MEIS2: variants seen among roughly 807,000 people sequenced by gnomAD.
The protein encoded by MEIS2 is Meis homeobox 2, also known as homeobox protein Meis2.
MEIS2 carries 9 observed loss-of-function variants against 58.6 expected under a neutral mutation model. The ratio of observed to expected loss-of-function variants is 0.15; its 90% CI spans 0.09 to 0.27. The LOEUF is 0.27. Ranked by LOEUF, MEIS2 falls within the 10% of genes least tolerant of loss-of-function variation. The pLI is 1.00. For missense variants in MEIS2, 427 were observed against 635.0 expected (o/e 0.67, Z 3.52); for synonymous variants, 221 against 228.4 (o/e 0.97, Z 0.29).
chr15:37,098,421 A>AGAGAGAGG (rs1555474176), intron 1 of MEIS2: 54 of 1,200,768 alleles, frequency 4.5e-5, no homozygotes, highest in Admixed American at 1.6e-4. Flanking sequence ...AGAGAGAGAG[A>AGAGAGAGG]GAGAAAATAA....
At chr15:36,896,457 A>G (rs1425733414) in intron 10 of MEIS2, among the ~76,000 whole-genome samples, 171 bp downstream of exon 10, 1 of 152,182 alleles carries the variant, frequency 6.6e-6, no homozygotes. Flanking sequence ...ATCTCCAATT[A>G]GCACCACTTA....
chr15:37,044,677 C>T (rs1003980929), intron 7 of MEIS2, among the ~76,000 whole-genome samples: 1 of 152,122 alleles, frequency 6.6e-6, no homozygotes, highest in African/African-American at 2.4e-5. Flanking sequence ...AAGGAATCTC[C>T]TTCATAAAGC....
At chr15:37,091,571 C>T (rs889958489) in intron 6 of MEIS2, among the ~76,000 whole-genome samples, 1 of 152,224 alleles carries the variant, frequency 6.6e-6, no homozygotes, top group African/African-American at 2.4e-5. Context: ...ACTCTTTTAT[C>T]CAAAGATGAT....
Position 36,895,864 on chromosome 15 carries a change from C to T in MEIS2, c.1037-603G>A, listed in dbSNP as rs559021341. Among the ~76,000 whole-genome samples the T allele has an allele frequency of 9.9e-5, 15 of 152,242 alleles. No individual in the cohort carries two copies. The South Asian group carries it at 1.0e-3, about 11-fold the overall frequency. ...ACTAATTTTCACAAATCCTTTAAAG[C>T]GAGGCCACAGGTAAAATCTCCATCA... On this transcript the variant is annotated intron_variant, in intron 10 of 11. Coordinates refer to ENST00000561208, the MANE Select transcript of MEIS2 (RefSeq NM_170675.5).
At chr15:36,911,004 C>G (rs1171783867) in intron 9 of MEIS2, among the ~76,000 whole-genome samples, 1 of 143,804 alleles carries the variant, frequency 7.0e-6, no homozygotes, top group Admixed American at 7.1e-5. Flanking sequence ...GAGATCGCGC[C>G]ACTGCACTCC....
At chr15:36,966,388 C>G (rs991781052) in intron 8 of MEIS2, among the ~76,000 whole-genome samples, 4 of 152,114 alleles carry the variant, frequency 2.6e-5, no homozygotes, top group Non-Finnish European at 4.4e-5. Context: ...TTTACAGTAA[C>G]TTTTAATTAC....
chr15:37,098,377 GGGGAGAGAGAGAGAGA>G, intron 1 of MEIS2, 178 bp from the exon 2 acceptor site: 1 of 490,594 alleles, frequency 2.0e-6, no homozygotes, highest in African/African-American at 3.3e-5. Context: ...AGGAGGAGAG[GGGGAGAGAGAGAGAGA>G]GAGAGAGAGA....
Position 36,892,308 on chromosome 15 carries a change from G to A in MEIS2, c.1299C>T (p.Pro433=), listed in dbSNP as rs971258285. Residue 433 remains proline (P), a synonymous_variant, in exon 12 of 12, where the codon CCC becomes CCT. Coordinates refer to ENST00000561208, the MANE Select transcript of MEIS2 (RefSeq NM_170675.5). ...CGTGCATCATCATGGCTGGGTGGTG[G>A]GGATGGCTTGGCAAATATGAATGCA... ...PPMHSYLPSH[P]HHPAMMMHGG... 6 of 1,613,852 alleles carry A rather than the reference G, an allele frequency of 3.7e-6. No homozygotes were observed. Among genetic ancestry groups the A allele is most frequent in the Non-Finnish European group, 5.1e-6 (6 of 1,179,922 alleles).
At chr15:36,904,561 T>A (rs1487061736) in intron 9 of MEIS2, among the ~76,000 whole-genome samples, 2 of 152,158 alleles carry the variant, frequency 1.3e-5, no homozygotes, top group Non-Finnish European at 2.9e-5. Context: ...CAACCTATGA[T>A]GACCACATTT....
At chr15:36,915,639 C>G (rs969446711) in intron 9 of MEIS2, among the ~76,000 whole-genome samples, 1 of 152,136 alleles carries the variant, frequency 6.6e-6, no homozygotes, top group African/African-American at 2.4e-5. Flanking sequence ...AGTGCCCAAC[C>G]CACTCCTCCT....
Position 37,084,604 on chromosome 15 carries a change from T to C in MEIS2, c.640-719A>G, listed in dbSNP as rs531662862. ...AGAGAGGAGTTTCACTTGAGCTTCATGGAAGCTTGAAATTCACTGAGCAGT... is the reference window on the plus strand; with the variant it reads ...AGAGAGGAGTTTCACTTGAGCTTCACGGAAGCTTGAAATTCACTGAGCAGT... On this transcript the variant is annotated intron_variant, in intron 6 of 11. Coordinates refer to ENST00000561208, the MANE Select transcript of MEIS2 (RefSeq NM_170675.5). Among the ~76,000 whole-genome samples, 9 of 152,296 alleles carry C rather than the reference T, an allele frequency of 5.9e-5. No homozygotes were observed. In the East Asian group the frequency reaches 1.4e-3, roughly 23 times the overall value.
Position 37,010,379 on chromosome 15 carries a change from G to A in MEIS2, c.900+26435C>T, listed in dbSNP as rs541750747. On this transcript the variant is annotated intron_variant, in intron 8 of 11. Coordinates refer to ENST00000561208, the MANE Select transcript of MEIS2 (RefSeq NM_170675.5). ...TGAGATTACAGGCATGAGCCACCAC[G>A]CCCGGCCTATTTCTTTGTTTTCAGA... Among the ~76,000 whole-genome samples, 9 of 150,936 alleles carry A rather than the reference G, an allele frequency of 6.0e-5. No individual in the cohort carries two copies. In the East Asian group the frequency reaches 1.4e-3, roughly 23 times the overall value.
rs1436032148 is a variant in MEIS2 at position 36,891,928 on chromosome 15, T to G, written c.*245A>C. 1.8e-6 allele frequency: 1 copy of G among 559,188 alleles called. No individual in the cohort carries two copies. Among genetic ancestry groups the G allele is most frequent in the African/African-American group, 1.9e-5 (1 of 52,184 alleles). 34.6% of individuals were successfully genotyped at this position (559,188 alleles called of 1,614,324 possible). On this transcript the variant is annotated 3_prime_UTR_variant, in exon 12 of 12. Coordinates refer to ENST00000561208, the MANE Select transcript of MEIS2 (RefSeq NM_170675.5). ...CTTAGTTCCTATATTTATACTACAGTAGTTATAACTCTCGGAGTCTTTTTC... is the reference window on the plus strand; with the variant it reads ...CTTAGTTCCTATATTTATACTACAGGAGTTATAACTCTCGGAGTCTTTTTC...
intron 9 of MEIS2, among the ~76,000 whole-genome samples, chr15:36,947,748 T>C (rs1253271433): frequency 6.6e-6 from 1 of 151,934 alleles, no homozygotes; most frequent in Non-Finnish European, 1.5e-5. Context: ...TCTGATCCCC[T>C]CTGCTTTTTG....
intron 1 of MEIS2, 178 bp from the exon 2 acceptor site, chr15:37,098,377 G>T: frequency 6.1e-6 from 3 of 490,590 alleles, no homozygotes; most frequent in Non-Finnish European, 7.8e-6. Context: ...AGGAGGAGAG[G>T]GGGAGAGAGA....
intron 9 of MEIS2, among the ~76,000 whole-genome samples, chr15:36,902,365 A>G (rs1052197648): frequency 2.0e-5 from 3 of 152,170 alleles, no homozygotes; most frequent in Non-Finnish European, 4.4e-5. Context: ...CAAATGTACA[A>G]TGCTATGGTG....
chr15:37,047,156 C>A (rs569419000), intron 7 of MEIS2, among the ~76,000 whole-genome samples: 1 of 152,278 alleles, frequency 6.6e-6, no homozygotes, highest in African/African-American at 2.4e-5. Context: ...TCTAATGATT[C>A]ATTTTTAGTG....
chr15:36,994,998 A>G (rs1170983218), intron 8 of MEIS2, among the ~76,000 whole-genome samples: 1 of 152,128 alleles, frequency 6.6e-6, no homozygotes, highest in Non-Finnish European at 1.5e-5. Flanking sequence ...CCTCTGAACA[A>G]TTTCAATGCA....
At chr15:36,960,091 T>C (rs959339748) in intron 8 of MEIS2, among the ~76,000 whole-genome samples, 3 of 152,162 alleles carry the variant, frequency 2.0e-5, no homozygotes, top group African/African-American at 7.2e-5. Context: ...CTATAATAAA[T>C]AATTTCAGTA....
Sources: gnomAD v4.1 joint callset for allele counts (sites outside exome capture counted in the v4.1 genomes callset) on GRCh38, gnomAD v4.1.1 for gene constraint, MANE v1.5 for transcripts, NCBI Gene and HGNC (gene_info 2026-07-23, HGNC 2026-07-21) for gene names.